Variants in ZBTB8A observed in about 807,000 individuals in gnomAD.
ZBTB8A encodes the protein zinc finger and BTB domain-containing protein 8A.
A neutral mutation model predicts 37.8 loss-of-function variants in ZBTB8A; 19 were observed. The observed-to-expected ratio is 0.50, with a 90% CI of 0.35 to 0.74. ZBTB8A has a LOEUF of 0.74. ZBTB8A is among the 30% of genes least tolerant of loss of function. The pLI is 0.01. For synonymous variants in ZBTB8A, 181 were observed against 185.2 expected (o/e 0.98, Z 0.19); for missense variants, 394 against 537.8 (o/e 0.73, Z 2.65).
intron 2 of ZBTB8A, among the ~76,000 whole-genome samples, chr1:32,554,747 G>C (rs1178169654): frequency 6.6e-6 from 1 of 152,058 alleles, no homozygotes; most frequent in East Asian, 1.9e-4. Context: ...CCAAAGCGCT[G>C]GGATTACAGG....
chr1:32,551,361 A>G (rs1315528449), intron 1 of ZBTB8A, among the ~76,000 whole-genome samples: 1 of 152,100 alleles, frequency 6.6e-6, no homozygotes, highest in Non-Finnish European at 1.5e-5. Flanking sequence ...GGTCAGGGCC[A>G]TAATGAGCCA....
intron 1 of ZBTB8A, among the ~76,000 whole-genome samples, chr1:32,548,255 TCTCA>T (rs1483700685): frequency 6.6e-6 from 1 of 151,550 alleles, no homozygotes; most frequent in Non-Finnish European, 1.5e-5. Flanking sequence ...AAATGATCGC[TCTCA>T]CTCTCTCTAG....
intron 2 of ZBTB8A, among the ~76,000 whole-genome samples, chr1:32,575,231 T>TTA (rs1461285690): frequency 2.7e-5 from 4 of 145,654 alleles, no homozygotes; most frequent in African/African-American, 1.0e-4. Flanking sequence ...CTTTCCTTTT[T>TTA]TTTTTTTTTT....
At chr1:32,575,042 T>C (rs964257792) in intron 2 of ZBTB8A, among the ~76,000 whole-genome samples, 30 of 152,118 alleles carry the variant, frequency 2.0e-4, no homozygotes, top group Admixed American at 1.3e-3. Context: ...CTCAAAGTGC[T>C]GGGATTACAG....
At chr1:32,561,898 G>A (rs760080203) in intron 2 of ZBTB8A, among the ~76,000 whole-genome samples, 5 of 152,038 alleles carry the variant, frequency 3.3e-5, no homozygotes, top group South Asian at 2.1e-4. Flanking sequence ...TCTCACATGC[G>A]GGAGCAGGAG....
At chr1:32,579,501 T>G (rs562689632) in intron 2 of ZBTB8A, among the ~76,000 whole-genome samples, 17 of 151,942 alleles carry the variant, frequency 1.1e-4, no homozygotes, top group Non-Finnish European at 2.4e-4. Context: ...CTTCCAACTC[T>G]GTGTGAGCTC....
chr1:32,550,691 G>T (rs1644145769), intron 1 of ZBTB8A, among the ~76,000 whole-genome samples: 1 of 152,056 alleles, frequency 6.6e-6, no homozygotes, highest in Non-Finnish European at 1.5e-5. Flanking sequence ...AGGCGTGTTG[G>T]GTCACGCCTG....
chr1:32,603,371 G>GC lies in ZBTB8A; in HGVS notation c.*2955dup, dbSNP rs1331113307. 4 of 152,104 alleles carry GC rather than the reference G, an allele frequency of 2.6e-5. No individual in the cohort carries two copies. Among genetic ancestry groups the GC allele is most frequent in the Non-Finnish European group, 5.9e-5 (4 of 68,038 alleles). 9.4% of individuals were successfully genotyped at this position (152,104 alleles called of 1,614,324 possible). ...TCTCGAACTCCTGACCTCGTGATCT[G>GC]CCCGCCTCAGCCTCCCAAAGTGCTG... On this transcript the variant is annotated 3_prime_UTR_variant, in exon 5 of 5. Transcript: ENST00000373510.
At chr1:32,540,409 A>G (rs192993710) in intron 1 of ZBTB8A, among the ~76,000 whole-genome samples, 71 of 152,276 alleles carry the variant, frequency 4.7e-4, no homozygotes, top group African/African-American at 1.5e-3. Flanking sequence ...TAGTTGCACA[A>G]CTTTAAATGG....
intron 2 of ZBTB8A, among the ~76,000 whole-genome samples, chr1:32,573,430 T>C (rs1644337348): frequency 6.9e-6 from 1 of 145,702 alleles, no homozygotes; most frequent in African/African-American, 2.5e-5. Flanking sequence ...AACTTTCTTC[T>C]TCTTTTTTTT....
At chr1:32,573,738 C>CTT (rs753573244) in intron 2 of ZBTB8A, among the ~76,000 whole-genome samples, 7,400 of 94,908 alleles carry the variant, frequency 0.078, 444 homozygotes, top group African/African-American at 0.17. Flanking sequence ...CCAGCTAAAA[C>CTT]TTTTTTTTTT....
chr1:32,550,308 C>G (rs1051850990), intron 1 of ZBTB8A, among the ~76,000 whole-genome samples: 1 of 152,016 alleles, frequency 6.6e-6, no homozygotes, highest in Admixed American at 6.6e-5. Context: ...AGGGCACAGA[C>G]CATGCTCAGA....
chr1:32,597,462 A>G (rs1382457040), intron 4 of ZBTB8A, among the ~76,000 whole-genome samples: 1 of 152,114 alleles, frequency 6.6e-6, no homozygotes, highest in Non-Finnish European at 1.5e-5. Context: ...TCACAACTCC[A>G]TTAAATTTTG....
chr1:32,543,401 C>T (rs530427245), intron 1 of ZBTB8A, among the ~76,000 whole-genome samples: 5 of 152,006 alleles, frequency 3.3e-5, no homozygotes, highest in African/African-American at 4.8e-5. Context: ...ATAACTCTTA[C>T]GCCATAAAAT....
At chr1:32,571,046 G>A (rs1401477756) in intron 2 of ZBTB8A, among the ~76,000 whole-genome samples, 1 of 151,796 alleles carries the variant, frequency 6.6e-6, no homozygotes, top group Admixed American at 6.6e-5. Context: ...CGGCTTATTT[G>A]TGTAATTTTA....
rs181590370 is a variant in ZBTB8A, at chr1:32,543,119, T to C, written c.-84+3547T>C. On this transcript the variant is annotated intron_variant, in intron 1 of 4. Transcript: ENST00000373510. ...TTTTTTTGAGACGGAGTTTCACTCTTGTTGCCCAGGCTGGAGTGCAATGGT... is the reference window on the plus strand; with the variant it reads ...TTTTTTTGAGACGGAGTTTCACTCTCGTTGCCCAGGCTGGAGTGCAATGGT... Among the ~76,000 whole-genome samples the C allele has an allele frequency of 7.1e-3, 1,080 of 152,260 alleles. 4 individuals are homozygous for C. Among genetic ancestry groups the C allele is most frequent in the South Asian group, 0.031 (150 of 4,824 alleles).
chr1:32,583,988 C>G (rs976068575), intron 2 of ZBTB8A, among the ~76,000 whole-genome samples: 1 of 152,078 alleles, frequency 6.6e-6, no homozygotes, highest in Non-Finnish European at 1.5e-5. Flanking sequence ...GAACTCTTGA[C>G]CTTAAGTGAT....
At position 32,545,182 on chromosome 1, in the gene ZBTB8A, A is replaced by T. The variant is rs181496064; in HGVS notation, c.-84+5610A>T. Among the ~76,000 whole-genome samples, 413 of 152,272 alleles carry T rather than the reference A, an allele frequency of 2.7e-3. 1 individual carries two copies. Among genetic ancestry groups the T allele is most frequent in the African/African-American group, 9.7e-3 (402 of 41,558 alleles). ...AACACTTAGTATTTTCATGTTTTTT[A>T]AAAAATTATTATATCTCTGGAAAAA... is the stretch of plus-strand genomic sequence containing the variant. On this transcript the variant is annotated intron_variant, in intron 1 of 4. Coordinates refer to ENST00000373510, the MANE Select transcript of ZBTB8A (RefSeq NM_001040441.3).
At chr1:32,586,131 A>C (rs1269379786) in intron 2 of ZBTB8A, among the ~76,000 whole-genome samples, 3 of 152,004 alleles carry the variant, frequency 2.0e-5, no homozygotes, top group Non-Finnish European at 2.9e-5. Flanking sequence ...CACCCTGACC[A>C]ACAGGGAGAA....
Sources: allele counts gnomAD v4.1 joint callset (sites outside exome capture counted in the v4.1 genomes callset), GRCh38; gene constraint gnomAD v4.1.1; transcripts MANE v1.5; gene names NCBI Gene and HGNC (gene_info 2026-07-23, HGNC 2026-07-21).